The following KCNQ5 variants were observed in gnomAD, a reference collection of about 807,000 sequenced individuals.
KCNQ5 encodes the protein potassium voltage-gated channel subfamily Q member 5.
In KCNQ5, 30 loss-of-function variants were observed where a neutral mutation model predicts 98.2. That is an observed-to-expected ratio of 0.31 (90% CI 0.23 to 0.41). The LOEUF is 0.41. KCNQ5 is among the 10% of genes least tolerant of loss of function. The pLI is 1.00. For missense variants in KCNQ5, 835 were observed against 1,182.5 expected, an observed-to-expected ratio of 0.71 and a Z score of 4.31; for synonymous variants, 458 against 449.4, an observed-to-expected ratio of 1.02 and a Z score of -0.24.
At chr6:72,716,803 G>C (rs1769666848) in intron 1 of KCNQ5, among the ~76,000 whole-genome samples, 1 of 152,192 alleles carries the variant, frequency 6.6e-6, no homozygotes, top group African/African-American at 2.4e-5. Context: ...TTAGAGAACA[G>C]ATTGCAGGGA....
chr6:72,743,213 A>G (rs1224199747), intron 1 of KCNQ5, among the ~76,000 whole-genome samples: 1 of 152,152 alleles, frequency 6.6e-6, no homozygotes, highest in South Asian at 2.1e-4. Flanking sequence ...GAACAGAAGT[A>G]GAAGTTTTAA....
At chr6:72,670,715 C>T (rs1354373446) in intron 1 of KCNQ5, among the ~76,000 whole-genome samples, 1 of 152,226 alleles carries the variant, frequency 6.6e-6, no homozygotes, top group African/African-American at 2.4e-5. Flanking sequence ...TTGCTGTGTG[C>T]TCCTGTGGTG....
chr6:72,650,520 A>G (rs1765820192), intron 1 of KCNQ5, among the ~76,000 whole-genome samples: 1 of 152,176 alleles, frequency 6.6e-6, no homozygotes, highest in South Asian at 2.1e-4. Context: ...TTGACACTTT[A>G]CTGTTTTCCT....
At chr6:72,805,326 C>T (rs1774897909) in intron 1 of KCNQ5, among the ~76,000 whole-genome samples, 1 of 151,972 alleles carries the variant, frequency 6.6e-6, no homozygotes, top group African/African-American at 2.4e-5. Context: ...TTAACGGATT[C>T]TGATTTGATT....
intron 10 of KCNQ5, chr6:73,135,953 C>G (rs1402464379): frequency 6.6e-6 from 1 of 152,156 alleles, no homozygotes; most frequent in Admixed American, 6.5e-5. Flanking sequence ...AGGAGCCACT[C>G]TAATAACCTC....
At chr6:73,021,357 G>T (rs1326029401) in intron 2 of KCNQ5, among the ~76,000 whole-genome samples, 1 of 152,174 alleles carries the variant, frequency 6.6e-6, no homozygotes, top group African/African-American at 2.4e-5. Flanking sequence ...TACAAGAGGT[G>T]CTCAATACCT....
Position 73,100,585 on chromosome 6 carries a change from C to A in KCNQ5, c.919-4672C>A, listed in dbSNP as rs150381688. Among the ~76,000 whole-genome samples the A allele has an allele frequency of 4.4e-3, 672 of 151,684 alleles. 2 individuals are homozygous for A. Among genetic ancestry groups the A allele is most frequent in the African/African-American group, 0.015 (619 of 41,366 alleles). Reference sequence around the variant, plus strand: ...TCGGGAAGCTGAGGCAGGAGAATGGCGTGAACCCGGGAGGCGGAGCTTGCA... The same window carrying A: ...TCGGGAAGCTGAGGCAGGAGAATGGAGTGAACCCGGGAGGCGGAGCTTGCA... On this transcript the variant is annotated intron_variant, in intron 5 of 13. Coordinates refer to ENST00000370398, the MANE Select transcript of KCNQ5 (RefSeq NM_019842.4).
chr6:73,154,123 T>G (rs148653682), intron 10 of KCNQ5, among the ~76,000 whole-genome samples: 3 of 152,302 alleles, frequency 2.0e-5, no homozygotes, highest in Non-Finnish European at 4.4e-5. Flanking sequence ...TCAAATATTG[T>G]ATCATTTCTA....
chr6:72,798,551 C>A (rs1252160628), intron 1 of KCNQ5, among the ~76,000 whole-genome samples: 1 of 152,152 alleles, frequency 6.6e-6, no homozygotes, highest in African/African-American at 2.4e-5. Context: ...AAAACACAGG[C>A]CCCTTGGACT....
chr6:73,124,986 CACACACAT>C (rs1562193535), intron 9 of KCNQ5, among the ~76,000 whole-genome samples: 3 of 13,878 alleles, frequency 2.2e-4, no homozygotes, highest in South Asian at 3.8e-3. Flanking sequence ...TATATACACA[CACACACAT>C]ATATATATCA....
At chr6:73,095,246 T>A (rs543415062) in intron 5 of KCNQ5, among the ~76,000 whole-genome samples, 2 of 152,340 alleles carry the variant, frequency 1.3e-5, no homozygotes, top group South Asian at 4.1e-4. Flanking sequence ...TGCATTTCTA[T>A]AAGGGTGTCC....
At chr6:73,046,843 G>A (rs1387214211) in intron 3 of KCNQ5, among the ~76,000 whole-genome samples, 3 of 151,842 alleles carry the variant, frequency 2.0e-5, no homozygotes, top group East Asian at 1.9e-4. Flanking sequence ...GGATTTCACC[G>A]TGTTGGCCAG....
intron 11 of KCNQ5, among the ~76,000 whole-genome samples, chr6:73,179,952 T>C (rs1452373252): frequency 1.3e-5 from 2 of 152,170 alleles, no homozygotes; most frequent in Non-Finnish European, 2.9e-5. Flanking sequence ...ATCCCTGGCA[T>C]CTAGCACAGA....
chr6:72,798,031 AT>A (rs1237213245), intron 1 of KCNQ5, among the ~76,000 whole-genome samples: 3 of 152,204 alleles, frequency 2.0e-5, no homozygotes, highest in Non-Finnish European at 4.4e-5. Flanking sequence ...TATGCAAGAT[AT>A]AAAATACTAA....
intron 1 of KCNQ5, among the ~76,000 whole-genome samples, chr6:72,854,147 A>T (rs1184621363): frequency 6.6e-6 from 1 of 152,338 alleles, no homozygotes; most frequent in East Asian, 1.9e-4. Flanking sequence ...GATTTAAATG[A>T]GTTCTTCTCT....
chr6:72,936,926 GTC>G (rs1765948675), intron 1 of KCNQ5, among the ~76,000 whole-genome samples: 1 of 152,046 alleles, frequency 6.6e-6, no homozygotes, highest in South Asian at 2.1e-4. Flanking sequence ...GGATTTGCTT[GTC>G]TCTGTAATTT....
chr6:73,016,302 C>A (rs1383281783), intron 2 of KCNQ5, among the ~76,000 whole-genome samples: 1 of 151,924 alleles, frequency 6.6e-6, no homozygotes. Flanking sequence ...TAGACAGGAG[C>A]ATACCTGGTG....
chr6:72,762,041 G>A (rs1390715148), intron 1 of KCNQ5, among the ~76,000 whole-genome samples: 1 of 152,028 alleles, frequency 6.6e-6, no homozygotes, highest in Non-Finnish European at 1.5e-5. Flanking sequence ...GCTAGAGCTG[G>A]GTTAGGGGTA....
chr6:73,052,516 C>T (rs1213714429), intron 3 of KCNQ5, among the ~76,000 whole-genome samples: 1 of 152,148 alleles, frequency 6.6e-6, no homozygotes, highest in Non-Finnish European at 1.5e-5. Flanking sequence ...CCCAAGGAAA[C>T]CCCATCAGGC....
Sources: gnomAD v4.1 joint callset for allele counts (sites outside exome capture counted in the v4.1 genomes callset) on GRCh38, gnomAD v4.1.1 for gene constraint, MANE v1.5 for transcripts, NCBI Gene and HGNC (gene_info 2026-07-23, HGNC 2026-07-21) for gene names.